Variants in FLNC observed in about 807,000 individuals in gnomAD.
FLNC encodes filamin C, also known as filamin-C.
A neutral mutation model predicts 254.3 loss-of-function variants in FLNC; 91 were observed. The observed-to-expected ratio is 0.36, with a 90% CI of 0.30 to 0.43. FLNC has a LOEUF of 0.43. Among genes scored for constraint, FLNC ranks in the 20% least tolerant of loss-of-function variants. FLNC has a pLI of 1.00. For missense variants in FLNC, 2,853 were observed against 3,802.6 expected, an observed-to-expected ratio of 0.75 and a Z score of 6.57; for synonymous variants, 1,430 against 1,577.2, an observed-to-expected ratio of 0.91 and a Z score of 2.21.
In FLNC at chr7:128,843,395, G is replaced by A; in HGVS notation, c.2642-13G>A. 6.2e-7 allele frequency: 1 copy of A among 1,613,996 alleles called. No individual in the cohort carries two copies. The highest frequency in any genetic ancestry group is 1.1e-5 in the South Asian group (1 of 91,076). On this transcript the variant is annotated splice_polypyrimidine_tract_variant and intron_variant, in intron 17 of 47. Coordinates refer to ENST00000325888, the MANE Select transcript of FLNC (RefSeq NM_001458.5). The stretch of plus-strand genomic sequence containing the variant: ...CTGCCAGGCCCTCACCACATCTCTG[G>A]GTGGGTCCTCAGGTGTGGAAGTCGG...
At chr7:128,852,420 C>T (rs1048554653) in intron 35 of FLNC, among the ~76,000 whole-genome samples, 171 bp from the exon 36 acceptor site, 4 of 151,464 alleles carry the variant, frequency 2.6e-5, no homozygotes, top group African/African-American at 7.3e-5. Context: ...TCTCTGGCAG[C>T]TCACATGTGA....
At chr7:128,852,509 C>A (rs1808861234) in intron 35 of FLNC, 82 bp from the exon 36 acceptor site, 9 of 1,521,486 alleles carry the variant, frequency 5.9e-6, no homozygotes, top group Non-Finnish European at 8.2e-6. Context: ...CCAGGGGGGG[C>A]TGCTCAGGAG....
At chr7:128,831,237 G>C (rs1807879304) in intron 1 of FLNC, among the ~76,000 whole-genome samples, 1 of 152,064 alleles carries the variant, frequency 6.6e-6, no homozygotes, top group Non-Finnish European at 1.5e-5. Flanking sequence ...TAGGGTTTGC[G>C]AGCCCTCCAG....
rs1265906766 is a variant in FLNC at position 128,856,656 on chromosome 7, C to G, written c.7384+6C>G. On this transcript the variant is annotated splice_donor_region_variant and intron_variant, in intron 44 of 47. Coordinates refer to ENST00000325888, the MANE Select transcript of FLNC (RefSeq NM_001458.5). The surrounding 1 kb of genome is among the most constrained non-coding windows in gnomAD (Gnocchi z 5.9). The stretch of plus-strand genomic sequence containing the variant: ...CGTCTCTGAGCTGGACAGTGGTGAG[C>G]TGGCCCTGCCCCTGCCAACTCCCTT... 6.2e-7 allele frequency: 1 copy of G among 1,613,168 alleles called. No homozygotes were observed. Among genetic ancestry groups the G allele is most frequent in the Non-Finnish European group, 8.5e-7 (1 of 1,180,018 alleles).
chr7:128,846,829 C>T lies in FLNC; in HGVS notation c.4212C>T (p.Ser1404=). The T allele has an allele frequency of 6.2e-7, 1 of 1,614,250 alleles. No individual in the cohort carries two copies. Among genetic ancestry groups the T allele is most frequent in the South Asian group, 1.1e-5 (1 of 91,086 alleles). ...CCTGCAAGGACAACAAGGATGGTAGCTGCACCGTGGAGTACATCCCCTTCA... is the reference window on the plus strand; with the variant it reads ...CCTGCAAGGACAACAAGGATGGTAGTTGCACCGTGGAGTACATCCCCTTCA... ...KMSCKDNKDG[S]CTVEYIPFTP... is the part of the protein sequence containing the mutation. Residue 1404 remains serine (S), a synonymous_variant, in exon 24 of 48, where the codon AGC becomes AGT. Transcript: ENST00000325888.
Position 128,831,030 on chromosome 7 carries a change from G to A in FLNC, c.352+41G>A, listed in dbSNP as rs140098814. ...GAGGGCACGGGCGCTGCGGGGATAG[G>A]GTCGTCCCATGGGGCAGGGGCACAG... On this transcript the variant is annotated intron_variant, in intron 1 of 47. Transcript: ENST00000325888. 3,011 of 1,587,392 alleles carry A rather than the reference G, an allele frequency of 1.9e-3. 6 individuals are homozygous for A. The highest frequency in any genetic ancestry group is 2.4e-3 in the Non-Finnish European group (2,812 of 1,169,936).
rs564758056 is a variant in FLNC at position 128,836,452 on chromosome 7, C to T, written c.602-708C>T. Among the ~76,000 whole-genome samples the T allele has an allele frequency of 1.1e-4, 17 of 152,224 alleles. No individual in the cohort carries two copies. The highest frequency in any genetic ancestry group is 7.8e-4 in the Admixed American group (12 of 15,302). On this transcript the variant is annotated intron_variant, in intron 2 of 47. Transcript: ENST00000325888. This position sits in a 1 kb window ranked among gnomAD's most constrained non-coding sequence, Gnocchi z 6.0. ...CCAGTCATGGATTCCAGCCTTGAGC[C>T]GGCCCCCTCCCCGAAACGGTGTGCC... is the stretch of plus-strand genomic sequence containing the variant.
At chr7:128,855,579 TAC>T (rs1809022281) in intron 43 of FLNC, among the ~76,000 whole-genome samples, 1 of 152,242 alleles carries the variant, frequency 6.6e-6, no homozygotes, top group African/African-American at 2.4e-5. Flanking sequence ...CATTTCTTGT[TAC>T]AGTTTGTTCC....
chr7:128,854,487 G>T lies in FLNC; in HGVS notation c.6802G>T (p.Glu2268Ter), dbSNP rs1156444972. 6.2e-7 allele frequency: 1 copy of T among 1,606,916 alleles called. No homozygotes were observed. The highest frequency in any genetic ancestry group is 8.5e-7 in the Non-Finnish European group (1 of 1,177,192). ...SGKVEAAEIV[E>*]GEDSAYSVRF... The stretch of plus-strand genomic sequence containing the variant: ...CAAGGTGGAAGCCGCAGAGATCGTC[G>T]AGGGCGAGGACAGCGCCTACAGCGT... The change falls in exon 41 of 48, where the codon GAG (glutamate) becomes TAG (stop). Residue 2268 changes from glutamate (E) to a stop codon, truncating the protein, a stop_gained. Coordinates refer to ENST00000325888, the MANE Select transcript of FLNC (RefSeq NM_001458.5). LOFTEE classifies it high-confidence loss of function.
intron 41 of FLNC, 34 bp from the exon 42 acceptor site, chr7:128,854,741 T>C: frequency 6.2e-7 from 1 of 1,613,510 alleles, no homozygotes; most frequent in East Asian, 2.2e-5. Flanking sequence ...TGAGGGGCGA[T>C]GATGCTGAAG....
intron 26 of FLNC, 91 bp downstream of exon 26, chr7:128,848,159 G>T: frequency 6.9e-7 from 1 of 1,458,950 alleles, no homozygotes. Flanking sequence ...GAGTCCCCTG[G>T]GAGAGCCTCT....
chr7:128,838,267 G>C lies in FLNC; in HGVS notation c.1048G>C (p.Val350Leu). ...CTAACCTTTGACCTCTGACCCCTAG[G>C]TGACCGTGCTCTTTGCTGGCCAGAA... is the stretch of plus-strand genomic sequence containing the variant. ...YVPKVAGLHKVTVLFAGQNIE... is the reference protein window; with the variant it reads ...YVPKVAGLHKLTVLFAGQNIE... The change falls in exon 7 of 48, where the codon GTG becomes CTG. Residue 350 changes from valine (V) to leucine (L), a missense_variant and splice_region_variant. Val to Leu is a conservative substitution (Grantham distance 32). Coordinates refer to ENST00000325888, the MANE Select transcript of FLNC (RefSeq NM_001458.5). 6.2e-7 allele frequency: 1 copy of C among 1,613,940 alleles called. No homozygotes were observed. Among genetic ancestry groups the C allele is most frequent in the Non-Finnish European group, 8.5e-7 (1 of 1,179,950 alleles).
At chr7:128,850,139 T>C (rs1388172996) in intron 31 of FLNC, 65 bp downstream of exon 31, 29 of 1,323,024 alleles carry the variant, frequency 2.2e-5, no homozygotes, top group Non-Finnish European at 2.9e-5. Context: ...TTCTCTCTAC[T>C]CCTCTGCAGC....
Position 128,841,069 on chromosome 7 carries a change from G to T in FLNC, c.1813+99G>T. Reference sequence around the variant, plus strand: ...AGTGCGCATGCTGGGGAGCGCTGGGGTGAGCAGGGAGATAGGACATGAGGG... The same window carrying T: ...AGTGCGCATGCTGGGGAGCGCTGGGTTGAGCAGGGAGATAGGACATGAGGG... On this transcript the variant is annotated intron_variant, in intron 11 of 47. Transcript: ENST00000325888. The surrounding 1 kb of genome is among the most constrained non-coding windows in gnomAD (Gnocchi z 4.3). 1 of 1,571,572 alleles carries T rather than the reference G, an allele frequency of 6.4e-7. No individual in the cohort carries two copies. Among genetic ancestry groups the T allele is most frequent in the Non-Finnish European group, 8.7e-7 (1 of 1,148,664 alleles).
At chr7:128,843,155 C>T in intron 16 of FLNC, 74 bp from the exon 17 acceptor site, 2 of 1,466,212 alleles carry the variant, frequency 1.4e-6, no homozygotes, top group Non-Finnish European at 1.9e-6. Flanking sequence ...CTGGGTGTGT[C>T]CTGAGCCAGC....
In FLNC at chr7:128,854,395, A is replaced by T; in HGVS notation, c.6728-18A>T. The T allele has an allele frequency of 6.2e-7, 1 of 1,607,156 alleles. No individual in the cohort carries two copies. Among genetic ancestry groups the T allele is most frequent in the Non-Finnish European group, 8.5e-7 (1 of 1,177,344 alleles). On this transcript the variant is annotated intron_variant, in intron 40 of 47. Coordinates refer to ENST00000325888, the MANE Select transcript of FLNC (RefSeq NM_001458.5). ...GGAGGAATCCCAGTGTTGCCCTGAC[A>T]TCCCCCAAACCCTGCAGGTGAGGCC...
intron 8 of FLNC, 105 bp downstream of exon 8, chr7:128,838,908 G>C (rs1376814666): frequency 9.9e-7 from 1 of 1,011,764 alleles, no homozygotes; most frequent in Non-Finnish European, 1.5e-6. Context: ...CCCCCTCCCT[G>C]AGTCCTCCAT....
chr7:128,838,709 A>G lies in FLNC; in HGVS notation c.1317A>G (p.Thr439=), dbSNP rs748424793. ...EDKGDSTFRC[T]YRPAMEGPHT... is the part of the protein sequence containing the mutation. ...AGGGTGACAGCACGTTCCGCTGCAC[A>G]TACAGACCTGCCATGGAGGGGCCAC... The change falls in exon 8 of 48, where the codon ACA becomes ACG. Residue 439 remains threonine, a synonymous_variant. Transcript: ENST00000325888. 10 of 1,613,040 alleles carry G rather than the reference A, an allele frequency of 6.2e-6. No individual in the cohort carries two copies. In the South Asian group the frequency reaches 9.9e-5, roughly 16 times the overall value.
intron 8 of FLNC, among the ~76,000 whole-genome samples, chr7:128,839,734 G>T (rs539073753): frequency 6.6e-6 from 1 of 152,354 alleles, no homozygotes; most frequent in Admixed American, 6.5e-5. Context: ...CTTGGGCTGG[G>T]TAAAGGGGCC....
Sources: allele counts gnomAD v4.1 joint callset (sites outside exome capture counted in the v4.1 genomes callset), GRCh38; gene constraint gnomAD v4.1.1; non-coding constraint Gnocchi (gnomAD v3.1); transcripts MANE v1.5; gene names NCBI Gene and HGNC (gene_info 2026-07-23, HGNC 2026-07-21).